Variants in PRELID2 observed in about 807,000 individuals in gnomAD.
The protein encoded by PRELID2 is PRELI domain-containing protein 2.
A neutral mutation model predicts 28.4 loss-of-function variants in PRELID2; 25 were observed. That is an observed-to-expected ratio of 0.88 (90% CI 0.64 to 1.23). The LOEUF (loss-of-function observed/expected upper bound fraction) is 1.23. PRELID2 is among the 50% of genes most tolerant of loss of function. The pLI, the probability that PRELID2 is intolerant of heterozygous loss-of-function variation, is 0.00. For missense variants in PRELID2, 201 were observed against 214.4 expected, an observed-to-expected ratio of 0.94 and a Z score of 0.39; for synonymous variants, 76 against 71.6, an observed-to-expected ratio of 1.06 and a Z score of -0.31.
the PRELID2 span, among the ~76,000 whole-genome samples, chr5:145,278,304 C>A: frequency 6.6e-6 from 1 of 152,158 alleles, no homozygotes; most frequent in East Asian, 1.9e-4. Context: ...AATTATGTGA[C>A]AGTTTCTGTA....
the PRELID2 span, among the ~76,000 whole-genome samples, chr5:145,405,314 C>T: frequency 6.6e-6 from 1 of 152,094 alleles, no homozygotes; most frequent in Non-Finnish European, 1.5e-5. Context: ...CCTAAACTCA[C>T]CTGGTAATCT....
intron 1 of PRELID2, among the ~76,000 whole-genome samples, chr5:145,673,365 G>A (rs1005419618): frequency 1.3e-5 from 2 of 152,076 alleles, no homozygotes; most frequent in African/African-American, 4.8e-5. Context: ...ATAAGTGTAT[G>A]GAAGTATCAG....
chr5:145,229,261 C>T, the PRELID2 span: 6 of 760,600 alleles, frequency 7.9e-6, no homozygotes, highest in South Asian at 2.7e-5. Flanking sequence ...GGAGGATGCC[C>T]GAGTTCTACA....
chr5:145,233,735 G>A, the PRELID2 span, among the ~76,000 whole-genome samples: 156 of 152,136 alleles, frequency 1.0e-3, no homozygotes, highest in African/African-American at 3.7e-3. Context: ...TGCAACAAAG[G>A]GCACCTAGTA....
rs1338618482 is a variant in PRELID2, at chr5:145,601,753, C to CT, written n.71-128439dup. Among the ~76,000 whole-genome samples the CT allele has an allele frequency of 2.0e-5, 3 of 152,246 alleles. No homozygotes were observed. In the South Asian group the frequency reaches 6.2e-4, roughly 32 times the overall value. On this transcript the variant is annotated intron_variant and non_coding_transcript_variant, in intron 1 of 2. Transcript: ENST00000510259. ...CTGATGTGTAACTTTGACACAGTAACTTTGAGTTTCCTAAGGCAAGGATGT... is the reference window on the plus strand; with the variant it reads ...CTGATGTGTAACTTTGACACAGTAACTTTTGAGTTTCCTAAGGCAAGGATGT...
chr5:145,648,662 C>A (rs1229718021), intron 1 of PRELID2, among the ~76,000 whole-genome samples: 1 of 151,172 alleles, frequency 6.6e-6, no homozygotes, highest in South Asian at 2.1e-4. Context: ...GTTTGAGGCT[C>A]TCTGTAAATT....
At chr5:145,650,362 C>G (rs1561531779) in intron 1 of PRELID2, among the ~76,000 whole-genome samples, 1 of 151,872 alleles carries the variant, frequency 6.6e-6, no homozygotes, top group South Asian at 2.1e-4. Context: ...ACCTGATCCT[C>G]TCTTTCTTCA....
chr5:145,581,027 T>A (rs1372140505), intron 1 of PRELID2, among the ~76,000 whole-genome samples: 1 of 151,998 alleles, frequency 6.6e-6, no homozygotes, highest in Non-Finnish European at 1.5e-5. Flanking sequence ...TGTCTTTCCC[T>A]TTCTCCTTTT....
the PRELID2 span, among the ~76,000 whole-genome samples, chr5:145,374,974 C>G: frequency 6.6e-6 from 1 of 152,180 alleles, no homozygotes; most frequent in Non-Finnish European, 1.5e-5. Context: ...CTTCCCAACC[C>G]TTCTTCGTTC....
intron 5 of PRELID2, among the ~76,000 whole-genome samples, chr5:145,771,348 T>C (rs1758093526): frequency 6.6e-6 from 1 of 152,014 alleles, no homozygotes. Flanking sequence ...GTTTGTACAA[T>C]GACAAAATCG....
intron 1 of PRELID2, among the ~76,000 whole-genome samples, chr5:145,634,814 AG>A (rs1561526608): frequency 6.6e-6 from 1 of 152,262 alleles, no homozygotes; most frequent in African/African-American, 2.4e-5. Flanking sequence ...AAAGGAAGAA[AG>A]GAATCAGCGA....
the PRELID2 span, among the ~76,000 whole-genome samples, chr5:145,382,506 T>A: frequency 3.0e-4 from 45 of 152,046 alleles, 1 homozygote; most frequent in Middle Eastern, 3.4e-3. Context: ...TACAAGATAA[T>A]AATAAAAATG....
chr5:145,397,843 G>C, the PRELID2 span, among the ~76,000 whole-genome samples: 3 of 152,158 alleles, frequency 2.0e-5, no homozygotes, highest in Admixed American at 6.6e-5. Flanking sequence ...GGGAGCCAAA[G>C]CAGCAAGGAT....
the PRELID2 span, among the ~76,000 whole-genome samples, chr5:145,334,731 T>G: frequency 1.3e-5 from 2 of 151,862 alleles, no homozygotes; most frequent in Non-Finnish European, 2.9e-5. Context: ...CCTCCATTTC[T>G]GAAGAACAGC....
At chr5:145,336,627 A>T in the PRELID2 span, among the ~76,000 whole-genome samples, 7 of 151,952 alleles carry the variant, frequency 4.6e-5, no homozygotes, top group African/African-American at 1.5e-4. Context: ...TGTTCCATTG[A>T]TCTATGTCTC....
At chr5:145,718,650 T>C (rs946064750) in intron 1 of PRELID2, among the ~76,000 whole-genome samples, 30 of 151,948 alleles carry the variant, frequency 2.0e-4, no homozygotes, top group Admixed American at 6.6e-5. Flanking sequence ...TTAAGATATA[T>C]TTATTAAGCC....
At chr5:145,474,119 G>T (rs1396305845) in intron 1 of PRELID2, among the ~76,000 whole-genome samples, 3 of 152,210 alleles carry the variant, frequency 2.0e-5, no homozygotes, top group African/African-American at 4.8e-5. Context: ...GCCCACATGG[G>T]CAGGATGTGA....
the PRELID2 span, among the ~76,000 whole-genome samples, chr5:145,285,422 C>T: frequency 4.3e-3 from 647 of 152,198 alleles, 2 homozygotes; most frequent in African/African-American, 0.015. Context: ...CCTTGAATCT[C>T]CTCAAACAGC....
chr5:145,471,570 T>C (rs552877646), downstream of PRELID2, among the ~76,000 whole-genome samples: 5 of 152,238 alleles, frequency 3.3e-5, no homozygotes, highest in Non-Finnish European at 5.9e-5. Context: ...GGTACCATAA[T>C]TCCTCAATTC....
Sources: allele counts gnomAD v4.1 joint callset (sites outside exome capture counted in the v4.1 genomes callset), GRCh38; gene constraint gnomAD v4.1.1; transcripts MANE v1.5; gene names NCBI Gene and HGNC (gene_info 2026-07-23, HGNC 2026-07-21).